CCDC180: variants seen among roughly 807,000 people sequenced by gnomAD.
The protein encoded by CCDC180 is coiled-coil domain containing 180.
In CCDC180, 154 loss-of-function variants were observed where a neutral mutation model predicts 209.2. That is an observed-to-expected ratio of 0.74 (90% CI 0.65 to 0.84). CCDC180 has a LOEUF of 0.84. CCDC180 is among the 40% of genes least tolerant of loss of function. The pLI is 0.00. For missense variants in CCDC180, 1,874 were observed against 1,997.3 expected (o/e 0.94, Z 1.18); for synonymous variants, 778 against 749.1 (o/e 1.04, Z -0.63).
intron 24 of CCDC180, among the ~76,000 whole-genome samples, chr9:97,355,540 G>A (rs1176739840): frequency 6.6e-6 from 1 of 152,204 alleles, no homozygotes; most frequent in Non-Finnish European, 1.5e-5. Context: ...GATTAGCTGT[G>A]TTAGTCCTCA....
At chr9:97,315,870 A>G (rs1455490811) in intron 8 of CCDC180, among the ~76,000 whole-genome samples, 1 of 152,204 alleles carries the variant, frequency 6.6e-6, no homozygotes, top group African/African-American at 2.4e-5. Context: ...GATAATATAG[A>G]TGTTCCTCCA....
At chr9:97,312,887 G>A (rs1397235466) in intron 4 of CCDC180, among the ~76,000 whole-genome samples, 1 of 152,008 alleles carries the variant, frequency 6.6e-6, no homozygotes, top group Non-Finnish European at 1.5e-5. Context: ...CCACCTCTTG[G>A]CCTCAGCATG....
At chr9:97,358,511 G>A (rs1387335418) in intron 25 of CCDC180, among the ~76,000 whole-genome samples, 2 of 152,094 alleles carry the variant, frequency 1.3e-5, no homozygotes, top group South Asian at 2.1e-4. Flanking sequence ...TGGAGAGCGT[G>A]GTTCCAAGCG....
chr9:97,353,079 C>T (rs1049236121), intron 22 of CCDC180, among the ~76,000 whole-genome samples: 1 of 152,124 alleles, frequency 6.6e-6, no homozygotes, highest in African/African-American at 2.4e-5. Context: ...TTACTGCAAC[C>T]TCCACCTCCT....
chr9:97,344,140 C>G (rs958560859), intron 19 of CCDC180, among the ~76,000 whole-genome samples: 1 of 152,142 alleles, frequency 6.6e-6, no homozygotes, highest in Non-Finnish European at 1.5e-5. Flanking sequence ...TCCCCTAACT[C>G]CCAAGTTTCT....
chr9:97,325,219 T>C, intron 14 of CCDC180, 27 bp downstream of exon 14: 1 of 1,562,952 alleles, frequency 6.4e-7, no homozygotes, highest in South Asian at 1.2e-5. Context: ...GGGCTCCATG[T>C]TTCACACCAC....
At chr9:97,340,011 G>A (rs1393216452) in intron 18 of CCDC180, among the ~76,000 whole-genome samples, 1 of 152,124 alleles carries the variant, frequency 6.6e-6, no homozygotes, top group Admixed American at 6.5e-5. Context: ...AGCTCCACCA[G>A]GTCATTTAAG....
At chr9:97,308,168 C>A in intron 2 of CCDC180, 36 bp downstream of exon 2, 2 of 1,516,726 alleles carry the variant, frequency 1.3e-6, no homozygotes, top group South Asian at 2.6e-5. Flanking sequence ...TTCTCCATCC[C>A]CCTTCCCTTG....
At chr9:97,374,333 T>C in intron 34 of CCDC180, 1 of 549,742 alleles carries the variant, frequency 1.8e-6, no homozygotes, top group Non-Finnish European at 3.2e-6. Flanking sequence ...ACCGCTTAGA[T>C]TCCTCCATCC....
At position 97,307,758 on chromosome 9, in the gene CCDC180, G is replaced by T; in HGVS notation, c.-130G>T. 1 of 1,614,198 alleles carries T rather than the reference G, an allele frequency of 6.2e-7. No individual in the cohort carries two copies. Among genetic ancestry groups the T allele is most frequent in the Non-Finnish European group, 8.5e-7 (1 of 1,180,014 alleles). On this transcript the variant is annotated 5_prime_UTR_variant, in exon 1 of 37. The change abolishes an upstream ATG in the 5' untranslated region. Coordinates refer to ENST00000529487, the MANE Select transcript of CCDC180 (RefSeq NM_020893.6). The stretch of plus-strand genomic sequence containing the variant: ...CAGAGTCCCTTCGGATTTGCGCCAT[G>T]CGCGGCGGGGAGAACCGGCCTCCTG...
At chr9:97,343,591 C>A (rs757994578) in intron 19 of CCDC180, 28 bp downstream of exon 19, 1 of 1,469,856 alleles carries the variant, frequency 6.8e-7, no homozygotes, top group Non-Finnish European at 9.5e-7. Flanking sequence ...TTATTCTCAT[C>A]CTGTTGTTCT....
At chr9:97,330,870 A>T (rs1825721453) in intron 18 of CCDC180, 103 bp downstream of exon 18, 7 of 1,090,722 alleles carry the variant, frequency 6.4e-6, no homozygotes, top group Non-Finnish European at 7.9e-6. Context: ...CCCAGTCTCC[A>T]TAGAGGTGCA....
chr9:97,308,801 A>G (rs545811109), intron 2 of CCDC180, among the ~76,000 whole-genome samples: 1 of 152,364 alleles, frequency 6.6e-6, no homozygotes, highest in Admixed American at 6.5e-5. Context: ...ATAAAAGTAT[A>G]AAGAAGCCAA....
chr9:97,352,976 C>CATAT (rs1260391426), intron 22 of CCDC180, among the ~76,000 whole-genome samples: 7 of 148,870 alleles, frequency 4.7e-5, no homozygotes, highest in African/African-American at 1.5e-4. Flanking sequence ...CACACATATA[C>CATAT]ATATATATAT....
chr9:97,364,824 A>G (rs879510679), intron 29 of CCDC180, among the ~76,000 whole-genome samples: 1 of 152,208 alleles, frequency 6.6e-6, no homozygotes, highest in African/African-American at 2.4e-5. Flanking sequence ...GTTTGGTCCT[A>G]CATGAAGTCC....
chr9:97,312,553 C>A (rs1227272418), intron 4 of CCDC180, among the ~76,000 whole-genome samples: 2 of 152,150 alleles, frequency 1.3e-5, no homozygotes, highest in African/African-American at 4.8e-5. Context: ...AATATAGAAA[C>A]CTTTTTTCTT....
intron 28 of CCDC180, chr9:97,363,454 A>G (rs977231525): frequency 2.5e-5 from 8 of 318,846 alleles, no homozygotes; most frequent in South Asian, 1.3e-4. Context: ...GCAGAGCTCT[A>G]TTTTTTATAT....
rs947229449 is a variant in CCDC180 at position 97,335,286 on chromosome 9, G to A, written c.2274+4519G>A. ...GTTGGTTTGCTGCACCCATCAACTC[G>A]TCATTTACACCAGGTGTTTCTCCTA... On this transcript the variant is annotated intron_variant, in intron 18 of 36. Coordinates refer to ENST00000529487, the MANE Select transcript of CCDC180 (RefSeq NM_020893.6). 7.3e-5 allele frequency among the ~76,000 whole-genome samples: 11 copies of A among 151,632 alleles called. 1 individual carries two copies. Among genetic ancestry groups the A allele is most frequent in the South Asian group, 4.2e-4 (2 of 4,806 alleles).
chr9:97,307,366 T>C (rs45498203), upstream of CCDC180: 35,630 of 497,116 alleles, frequency 0.072, 1,697 homozygotes, highest in Middle Eastern at 0.11. Context: ...CTGGCTGCCT[T>C]GAGAGGTGCT....
Sources: gnomAD v4.1 joint callset for allele counts (sites outside exome capture counted in the v4.1 genomes callset) on GRCh38, gnomAD v4.1.1 for gene constraint, MANE v1.5 for transcripts, NCBI Gene and HGNC (gene_info 2026-07-23, HGNC 2026-07-21) for gene names.